Variants in ORC5 observed in about 807,000 individuals in gnomAD.
ORC5 encodes origin recognition complex subunit 5.
In ORC5, 39 loss-of-function variants were observed where a neutral mutation model predicts 58.8. The observed-to-expected ratio is 0.66, with a 90% CI of 0.51 to 0.87. The LOEUF is 0.87. ORC5 is among the 40% of genes least tolerant of loss of function. The pLI is 0.00. For missense variants in ORC5, 493 were observed against 506.3 expected, an observed-to-expected ratio of 0.97 and a Z score of 0.25; for synonymous variants, 218 against 177.6, an observed-to-expected ratio of 1.23 and a Z score of -1.81.
At chr7:104,204,319 A>G in intron 1 of ORC5, 85 bp from the exon 2 acceptor site, 1 of 784,446 alleles carries the variant, frequency 1.3e-6, no homozygotes, top group Non-Finnish European at 2.1e-6. Context: ...TTGTACGTGG[A>G]AAAGTGAAAT....
rs777456011 is a variant in ORC5, at chr7:104,165,256, G to A, written c.1017C>T (p.Asn339=). 1 of 1,522,834 alleles carries A rather than the reference G, an allele frequency of 6.6e-7. No individual in the cohort carries two copies. Among genetic ancestry groups the A allele is most frequent in the East Asian group, 2.3e-5 (1 of 44,018 alleles). The allele number at this position is 1,522,834 out of a possible 1,614,324, so 94.3% of individuals were successfully genotyped here. A position where few individuals can be genotyped will look rare whatever the true frequency, so the allele number is the denominator to read the frequency against. The change falls in exon 11 of 14, where the codon AAC becomes AAT. Residue 339 remains asparagine (N), a synonymous_variant. Transcript: ENST00000297431. ...LKHHGKIKKT[N]FLKKHEKTSN... The stretch of plus-strand genomic sequence containing the variant: ...ATACCTTTTCGTGTTTTTTTAGAAA[G>A]TTGGTTTTCTTGATTTTTCCATGAT...
chr7:104,157,623 T>C (rs541582050), intron 12 of ORC5, among the ~76,000 whole-genome samples: 13 of 152,244 alleles, frequency 8.5e-5, no homozygotes, highest in African/African-American at 2.6e-4. Flanking sequence ...TCATAGTCAA[T>C]GGCTCAGAGC....
At chr7:104,146,548 G>A (rs1332638554) in intron 12 of ORC5, among the ~76,000 whole-genome samples, 13 of 152,112 alleles carry the variant, frequency 8.5e-5, no homozygotes, top group Admixed American at 7.9e-4. Flanking sequence ...ACTCAAAGAA[G>A]TTAATTCCCA....
intron 1 of ORC5, among the ~76,000 whole-genome samples, 199 bp from the exon 2 acceptor site, chr7:104,204,433 T>G (rs572104497): frequency 1.3e-5 from 2 of 152,360 alleles, no homozygotes; most frequent in East Asian, 3.9e-4. Flanking sequence ...GAAATTAAAA[T>G]GTATGTAACA....
intron 4 of ORC5, among the ~76,000 whole-genome samples, chr7:104,196,572 A>G (rs1799806174): frequency 6.6e-6 from 1 of 152,188 alleles, no homozygotes; most frequent in African/African-American, 2.4e-5. Flanking sequence ...CCTTGGGCAC[A>G]CAGTAATTTC....
At chr7:104,142,787 C>T (rs908125443) in intron 12 of ORC5, among the ~76,000 whole-genome samples, 2 of 152,088 alleles carry the variant, frequency 1.3e-5, no homozygotes, top group East Asian at 3.9e-4. Flanking sequence ...AGGCCCTGAG[C>T]TCGTATCTCT....
chr7:104,168,669 T>TTTTTTTTTTTTTTTTTTTTTTTTTTTTGA, intron 8 of ORC5, 144 bp from the exon 9 acceptor site: 4 of 477,396 alleles, frequency 8.4e-6, no homozygotes, highest in Non-Finnish European at 7.4e-6. Flanking sequence ...TAAACATGTT[T>TTTTTTTTTTTTTTTTTTTTTTTTTTTTGA]GTACCTGTAC....
At position 104,188,348 on chromosome 7, in the gene ORC5, G is replaced by A. The variant is rs1293501104; in HGVS notation, c.587C>T (p.Pro196Leu). The change falls in exon 6 of 14, where the codon CCT becomes CTT. Residue 196 changes from proline (P) to leucine (L), a missense_variant. Around this residue, in one of 3 missense-constraint regions of ORC5, gnomAD observed 412 missense variants for 403.7 expected, o/e 1.02. Transcript: ENST00000297431. ...ATAGAAATCAGCTGAATACTCTGGAGGATGATCATGGGACAGGATCTTTTG... is the reference window on the plus strand; with the variant it reads ...ATAGAAATCAGCTGAATACTCTGGAAGATGATCATGGGACAGGATCTTTTG... ...NLQKILSHDH[P>L]PEYSADFYAA... 1.9e-6 allele frequency: 3 copies of A among 1,609,848 alleles called. No homozygotes were observed. The Admixed American group carries it at 5.0e-5, about 27-fold the overall frequency.
intron 4 of ORC5, among the ~76,000 whole-genome samples, chr7:104,196,195 G>A (rs1799797647): frequency 7.2e-6 from 1 of 138,378 alleles, no homozygotes; most frequent in African/African-American, 2.7e-5. Flanking sequence ...CACCATTACT[G>A]GGCATAAGGA....
In ORC5 at chr7:104,126,772, G is replaced by T; in HGVS notation, c.*76C>A. The T allele has an allele frequency of 9.4e-7, 1 of 1,067,180 alleles. No individual in the cohort carries two copies. The highest frequency in any genetic ancestry group is 1.4e-6 in the Non-Finnish European group (1 of 714,860). The allele number at this position is 1,067,180 out of a possible 1,614,324, so 66.1% of individuals were successfully genotyped here. ...ATAGAGCCAAAGAACTCCTCTCCTT[G>T]GCCAGCTAAGTAGCTGGATGAACAC... On this transcript the variant is annotated 3_prime_UTR_variant, in exon 14 of 14. Coordinates refer to ENST00000297431, the MANE Select transcript of ORC5 (RefSeq NM_002553.4).
At position 104,200,857 on chromosome 7, in the gene ORC5, T is replaced by C. The variant is rs1799923724; in HGVS notation, c.267A>G (p.Gly89=). ...KLNHLSSSED[G]CSTEITCETF... is the part of the protein sequence containing the mutation. ...TTTCACAGGTTATTTCAGTAGAACA[T>C]CCATCCTCTGAAGAACTAAGATGAT... Residue 89 remains glycine (G), a synonymous_variant, in exon 3 of 14, where the codon GGA becomes GGG. Transcript: ENST00000297431. The C allele has an allele frequency of 6.2e-7, 1 of 1,611,968 alleles. No individual in the cohort carries two copies. Among genetic ancestry groups the C allele is most frequent in the Admixed American group, 1.7e-5 (1 of 59,982 alleles).
chr7:104,174,018 G>C (rs1799270321), intron 8 of ORC5, among the ~76,000 whole-genome samples: 1 of 150,082 alleles, frequency 6.7e-6, no homozygotes, highest in Non-Finnish European at 1.5e-5. Context: ...CTAATTTTTT[G>C]TATTTTTAGT....
At chr7:104,174,039 T>C (rs1025705914) in intron 8 of ORC5, among the ~76,000 whole-genome samples, 1 of 151,068 alleles carries the variant, frequency 6.6e-6, no homozygotes, top group African/African-American at 2.4e-5. Context: ...AGAGACGGGG[T>C]TTCACCGTTT....
At chr7:104,173,847 T>TG (rs1562818110) in intron 8 of ORC5, among the ~76,000 whole-genome samples, 1 of 138,762 alleles carries the variant, frequency 7.2e-6, no homozygotes, top group East Asian at 2.0e-4. Flanking sequence ...AATTTTTTCT[T>TG]TTTTTTTTTT....
At chr7:104,166,939 G>T in intron 9 of ORC5, 55 bp from the exon 10 acceptor site, 1 of 970,376 alleles carries the variant, frequency 1.0e-6, no homozygotes, top group Non-Finnish European at 1.6e-6. Context: ...TGGGTTTTAA[G>T]TATCTCTTCT....
rs1445340321 is a variant in ORC5 at position 104,126,522 on chromosome 7, G to T, written c.*326C>A. On this transcript the variant is annotated 3_prime_UTR_variant, in exon 14 of 14. Transcript: ENST00000297431. ...CAAAGCGCAGGGGATAGTTCACAGA[G>T]CAAAATGTAGTCCTAAGTAAATGGG... 2 of 227,690 alleles carry T rather than the reference G, an allele frequency of 8.8e-6. No homozygotes were observed. Among genetic ancestry groups the T allele is most frequent in the Non-Finnish European group, 1.7e-5 (2 of 117,480 alleles). The allele number at this position is 227,690 out of a possible 1,614,324, so 14.1% of individuals were successfully genotyped here.
At chr7:104,202,305 T>C (rs1382678810) in intron 2 of ORC5, 2 of 214,490 alleles carry the variant, frequency 9.3e-6, no homozygotes, top group Non-Finnish European at 1.9e-5. Context: ...TTAGTGATTT[T>C]ATAAACTTTA....
At chr7:104,170,608 T>C (rs568353600) in intron 8 of ORC5, among the ~76,000 whole-genome samples, 1 of 152,344 alleles carries the variant, frequency 6.6e-6, no homozygotes, top group East Asian at 1.9e-4. Flanking sequence ...TTTAGACTTC[T>C]GACATACAAA....
chr7:104,158,523 A>ATCAGAG (rs1267542672), intron 12 of ORC5, among the ~76,000 whole-genome samples: 1 of 151,852 alleles, frequency 6.6e-6, no homozygotes, highest in Admixed American at 6.6e-5. Flanking sequence ...ACAAACTACC[A>ATCAGAG]TCAGAGTGAA....
Sources: allele counts gnomAD v4.1 joint callset (sites outside exome capture counted in the v4.1 genomes callset), GRCh38; gene constraint gnomAD v4.1.1; regional missense constraint gnomAD v4.1.1; transcripts MANE v1.5; gene names NCBI Gene and HGNC (gene_info 2026-07-23, HGNC 2026-07-21).